RAD51B: variants seen among roughly 807,000 people sequenced by gnomAD.
The protein encoded by RAD51B is DNA repair protein RAD51 homolog 2.
Under a neutral mutation model 42.2 loss-of-function variants are expected in RAD51B, and 38 were observed. That is an observed-to-expected ratio of 0.90 (90% confidence interval 0.70 to 1.18). RAD51B has a LOEUF of 1.18. RAD51B is among the 50% of genes most tolerant of loss of function. The pLI, the probability that RAD51B is intolerant of heterozygous loss-of-function variation, is 0.00. For missense variants in RAD51B, 373 were observed against 400.7 expected, an observed-to-expected ratio of 0.93 and a Z score of 0.59; for synonymous variants, 154 against 145.2, an observed-to-expected ratio of 1.06 and a Z score of -0.43.
At chr14:68,438,694 A>G (rs571991768) in intron 9 of RAD51B, among the ~76,000 whole-genome samples, 9 of 152,266 alleles carry the variant, frequency 5.9e-5, no homozygotes, top group African/African-American at 2.2e-4. Context: ...TGGCTTCTGT[A>G]TAGAGACAAT....
intron 7 of RAD51B, among the ~76,000 whole-genome samples, chr14:68,252,378 T>C (rs772576767): frequency 2.6e-4 from 39 of 152,354 alleles, no homozygotes; most frequent in Admixed American, 5.9e-4. Flanking sequence ...AGCTGGGATG[T>C]GTATTTTTGA....
intron 10 of RAD51B, chr14:68,540,369 A>T: frequency 1.9e-6 from 2 of 1,051,592 alleles, no homozygotes; most frequent in Non-Finnish European, 2.3e-6. Flanking sequence ...GATAAGGTCC[A>T]CTTACATGAA....
At chr14:68,059,436 C>T (rs1201844763) in intron 7 of RAD51B, among the ~76,000 whole-genome samples, 3 of 152,166 alleles carry the variant, frequency 2.0e-5, no homozygotes, top group African/African-American at 7.2e-5. Flanking sequence ...ACCCACTACT[C>T]TCTCTCATGT....
chr14:67,904,704 GTGTT>G (rs1279455474), intron 7 of RAD51B, among the ~76,000 whole-genome samples: 2 of 151,398 alleles, frequency 1.3e-5, no homozygotes, highest in Non-Finnish European at 2.9e-5. Flanking sequence ...TTTTGATTGT[GTGTT>G]TGTCTTCTTT....
intron 7 of RAD51B, among the ~76,000 whole-genome samples, chr14:67,914,278 C>T (rs753651370): frequency 3.9e-5 from 6 of 152,082 alleles, no homozygotes; most frequent in African/African-American, 9.7e-5. Context: ...CCCCTGTGCC[C>T]GGCCAAGTGT....
At chr14:68,558,091 T>G (rs1484983160) in intron 10 of RAD51B, among the ~76,000 whole-genome samples, 1 of 152,204 alleles carries the variant, frequency 6.6e-6, no homozygotes, top group Non-Finnish European at 1.5e-5. Flanking sequence ...TCTCGTCCTC[T>G]CTCAGTCCCC....
In RAD51B at chr14:67,937,536, G is replaced by C. The variant is rs535062094; in HGVS notation, c.756+50332G>C. ...GTTTCTTTCTTTTACTCTAGGTATA[G>C]TGGGAGTAACCCATTGGCAAGAAAA... On this transcript the variant is annotated intron_variant, in intron 7 of 10. Transcript: ENST00000471583. 8.0e-4 allele frequency among the ~76,000 whole-genome samples: 122 copies of C among 152,298 alleles called. 1 individual carries two copies. Among genetic ancestry groups the C allele is most frequent in the African/African-American group, 2.9e-3 (120 of 41,556 alleles).
At chr14:68,463,596 A>G (rs1270803225) in intron 9 of RAD51B, among the ~76,000 whole-genome samples, 1 of 152,170 alleles carries the variant, frequency 6.6e-6, no homozygotes, top group African/African-American at 2.4e-5. Flanking sequence ...CATATGACAG[A>G]ATCTTCAGGT....
intron 8 of RAD51B, among the ~76,000 whole-genome samples, chr14:68,402,799 GT>G (rs760937567): frequency 6.6e-6 from 1 of 152,178 alleles, no homozygotes; most frequent in Non-Finnish European, 1.5e-5. Flanking sequence ...AAGACTCAAA[GT>G]TTTTTAATAA....
In RAD51B at chr14:68,100,882, T is replaced by A. The variant is rs190469906; in HGVS notation, c.757-191002T>A. Reference sequence around the variant, plus strand: ...CCAGATCCTGACCACACTATTAGTCTGTTCTCACCTGCTAATGAAGACATA... The same window carrying A: ...CCAGATCCTGACCACACTATTAGTCAGTTCTCACCTGCTAATGAAGACATA... On this transcript the variant is annotated intron_variant, in intron 7 of 10. Transcript: ENST00000471583. Among the ~76,000 whole-genome samples, 36 of 152,312 alleles carry A rather than the reference T, an allele frequency of 2.4e-4. No homozygotes were observed. In the South Asian group the frequency reaches 5.6e-3, roughly 24 times the overall value.
rs149865732 is a variant in RAD51B at position 67,888,804 on chromosome 14, A to G, written c.756+1600A>G. On this transcript the variant is annotated intron_variant, in intron 7 of 10. Transcript: ENST00000471583. ...ATGTGCAAACACTGCACCATTTTAT[A>G]TGAGGGACTTGAGCATCCGTGGATT... 3.3e-4 allele frequency among the ~76,000 whole-genome samples: 51 copies of G among 152,268 alleles called. No homozygotes were observed. The East Asian group carries it at 8.5e-3, about 25-fold the overall frequency.
chr14:68,258,431 ACTCTCT>A (rs535522450), intron 7 of RAD51B, among the ~76,000 whole-genome samples: 9 of 149,002 alleles, frequency 6.0e-5, no homozygotes, highest in African/African-American at 2.0e-4. Flanking sequence ...ACACACACAC[ACTCTCT>A]CTCTCTCACA....
At chr14:68,156,811 C>G (rs2078522072) in intron 7 of RAD51B, among the ~76,000 whole-genome samples, 1 of 151,866 alleles carries the variant, frequency 6.6e-6, no homozygotes, top group African/African-American at 2.4e-5. Context: ...GAATTTTGAA[C>G]TTTTTTACAT....
At chr14:68,132,075 C>T (rs181709004) in intron 7 of RAD51B, among the ~76,000 whole-genome samples, 1 of 152,192 alleles carries the variant, frequency 6.6e-6, no homozygotes, top group Admixed American at 6.5e-5. Flanking sequence ...ACCTGGCAGT[C>T]ACATTCTTCT....
intron 8 of RAD51B, among the ~76,000 whole-genome samples, chr14:68,369,088 C>G (rs2083200333): frequency 6.6e-6 from 1 of 152,220 alleles, no homozygotes; most frequent in South Asian, 2.1e-4. Context: ...TTCCCTGAAG[C>G]TTGCCCTGAA....
rs935968037 is a variant in RAD51B, at chr14:68,452,748, T to G, written c.958-15424T>G. The stretch of plus-strand genomic sequence containing the variant: ...CAGGTTCCTATGACGTACCGCATTT[T>G]TCACTAATTTCTTTCATCTCTTTAA... On this transcript the variant is annotated intron_variant, in intron 9 of 10. Transcript: ENST00000471583. 2.4e-4 allele frequency among the ~76,000 whole-genome samples: 36 copies of G among 152,038 alleles called. 1 individual carries two copies. Among genetic ancestry groups the G allele is most frequent in the African/African-American group, 8.5e-4 (35 of 41,286 alleles).
chr14:68,598,366 A>T (rs566126821), downstream of RAD51B, among the ~76,000 whole-genome samples: 1 of 152,346 alleles, frequency 6.6e-6, no homozygotes, highest in South Asian at 2.1e-4. Context: ...TTCCCCCTCC[A>T]GGAACTCTCA....
rs375850904 is a variant in RAD51B, at chr14:68,186,795, G to T, written c.757-105089G>T. On this transcript the variant is annotated intron_variant, in intron 7 of 10. Transcript: ENST00000471583. ...TAAATTATTTCAGCCACTGTGGAAAGCAGTTTGGAGATTTCTCAAAGAACC... is the reference window on the plus strand; with the variant it reads ...TAAATTATTTCAGCCACTGTGGAAATCAGTTTGGAGATTTCTCAAAGAACC... Among the ~76,000 whole-genome samples the T allele has an allele frequency of 5.9e-5, 9 of 152,282 alleles. 1 individual carries two copies. The highest frequency in any genetic ancestry group is 2.2e-4 in the African/African-American group (9 of 41,564).
intron 7 of RAD51B, among the ~76,000 whole-genome samples, chr14:67,894,132 G>T (rs1357955327): frequency 1.3e-5 from 2 of 152,204 alleles, no homozygotes; most frequent in Non-Finnish European, 2.9e-5. Context: ...ATAGGGCTGT[G>T]AGTATTAAAT....
Sources: gnomAD v4.1 joint callset for allele counts (sites outside exome capture counted in the v4.1 genomes callset) on GRCh38, gnomAD v4.1.1 for gene constraint, MANE v1.5 for transcripts, NCBI Gene and HGNC (gene_info 2026-07-23, HGNC 2026-07-21) for gene names.